PNPLA3: variants seen among roughly 807,000 people sequenced by gnomAD.
PNPLA3 encodes the protein 1-acylglycerol-3-phosphate O-acyltransferase PNPLA3.
Under a neutral mutation model 43.1 loss-of-function variants are expected in PNPLA3, and 42 were observed. The ratio of observed to expected loss-of-function variants is 0.97; its 90% confidence interval spans 0.76 to 1.26. The LOEUF (loss-of-function observed/expected upper bound fraction) is 1.26, where lower values mean the gene tolerates loss of function less well. Among genes scored for constraint, PNPLA3 ranks in the 50% most tolerant of loss-of-function variants. The pLI is 0.00. For synonymous variants in PNPLA3, 272 were observed against 253.6 expected, an observed-to-expected ratio of 1.07 and a Z score of -0.69; for missense variants, 647 against 621.4, an observed-to-expected ratio of 1.04 and a Z score of -0.44.
rs1047514540 is a variant in PNPLA3 at position 43,936,951 on chromosome 22, A to G, written c.758-100A>G. Reference sequence around the variant, plus strand: ...CTCTTCCCCTTGCATTTGGCTAATAACAGGCCAGCTGCCTGCCTCCCTGCA... The same window carrying G: ...CTCTTCCCCTTGCATTTGGCTAATAGCAGGCCAGCTGCCTGCCTCCCTGCA... On this transcript the variant is annotated intron_variant, in intron 5 of 8. Transcript: ENST00000216180. 24 of 935,558 alleles carry G rather than the reference A, an allele frequency of 2.6e-5. No individual in the cohort carries two copies. In the African/African-American group the frequency reaches 3.1e-4, roughly 12 times the overall value. 58.0% of individuals were successfully genotyped at this position (935,558 alleles called of 1,614,324 possible).
chr22:43,937,177 G>C lies in PNPLA3; in HGVS notation c.884G>C (p.Arg295Thr), dbSNP rs369536731. ...SSPESAALAV[R>T]LEGDELLDHL... ...CCGGAGTCGGCTGCCTTGGCTGTGA[G>C]GCTGGAGGGAGATGAGCTGCTAGAC... Residue 295 changes from arginine (R) to threonine (T), a missense_variant, in exon 6 of 9, where the codon AGG (arginine) becomes ACG (threonine). Physicochemically the swap from Arg to Thr is moderately conservative, Grantham distance 71. Transcript: ENST00000216180. The C allele has an allele frequency of 4.3e-6, 7 of 1,614,092 alleles. No homozygotes were observed. The highest frequency in any genetic ancestry group is 5.1e-6 in the Non-Finnish European group (6 of 1,180,042).
At chr22:43,937,415 C>G in intron 6 of PNPLA3, 143 bp downstream of exon 6, 2 of 766,850 alleles carry the variant, frequency 2.6e-6, no homozygotes, top group Non-Finnish European at 4.3e-6. Flanking sequence ...ATGTGTACAG[C>G]CTGGGCTGCT....
chr22:43,930,596 A>G (rs1369840178), intron 3 of PNPLA3, among the ~76,000 whole-genome samples: 1 of 152,070 alleles, frequency 6.6e-6, no homozygotes, highest in Non-Finnish European at 1.5e-5. Context: ...CCTGGTCGAG[A>G]GTTTCAAGCC....
At chr22:43,937,421 C>CT in intron 6 of PNPLA3, 149 bp downstream of exon 6, 1 of 743,586 alleles carries the variant, frequency 1.3e-6, no homozygotes, top group South Asian at 1.7e-5. Flanking sequence ...ACAGCCTGGG[C>CT]TGCTGCCATC....
chr22:43,932,420 C>A (rs564263397), intron 3 of PNPLA3, among the ~76,000 whole-genome samples: 139 of 152,292 alleles, frequency 9.1e-4, no homozygotes, highest in African/African-American at 3.1e-3. Flanking sequence ...CTGTATCCTC[C>A]TTGCAAGCAG....
At position 43,946,664 on chromosome 22, in the gene PNPLA3, C is replaced by G; in HGVS notation, c.*282C>G. On this transcript the variant is annotated 3_prime_UTR_variant, in exon 9 of 9. Coordinates refer to ENST00000216180, the MANE Select transcript of PNPLA3 (RefSeq NM_025225.3). ...GTCCCTTACTGACTGTTTCGTGGCC[C>G]TATTAATGGTCAGACTGTTCCAGCA... The G allele has an allele frequency of 1.6e-6, 1 of 633,798 alleles. No homozygotes were observed. Among genetic ancestry groups the G allele is most frequent in the South Asian group, 1.4e-5 (1 of 72,450 alleles). The allele number at this position is 633,798 out of a possible 1,614,324, so 39.3% of individuals were successfully genotyped here.
At chr22:43,944,925 G>C in intron 8 of PNPLA3, 130 bp downstream of exon 8, 2 of 781,036 alleles carry the variant, frequency 2.6e-6, no homozygotes, top group East Asian at 5.2e-5. Flanking sequence ...TGGGGACCCT[G>C]TCTCATGGGA....
chr22:43,933,127 CTCT>C (rs777455663), intron 4 of PNPLA3, 40 bp downstream of exon 4: 2 of 1,562,382 alleles, frequency 1.3e-6, no homozygotes, highest in Admixed American at 3.3e-5. Context: ...TGGGGTGCAG[CTCT>C]TCTTTGCCTC....
rs780251486 is a variant in PNPLA3, at chr22:43,937,050, G to C, written c.758-1G>C. The C allele has an allele frequency of 1.4e-5, 22 of 1,612,788 alleles. No individual in the cohort carries two copies. In the South Asian group the frequency reaches 2.4e-4, roughly 18 times the overall value. On this transcript the variant is annotated splice_acceptor_variant, in intron 5 of 8. Transcript: ENST00000216180. LOFTEE classifies it high-confidence loss of function. ...GGGCTTGTTTTCCGTGCCCTTCACA[G>C]GCATCTGCAACAGGCCCCAGCCAGG...
chr22:43,946,799 A>T lies in PNPLA3; in HGVS notation c.*417A>T, dbSNP rs1290836332. 5.8e-6 allele frequency: 3 copies of T among 514,326 alleles called. No homozygotes were observed. The highest frequency in any genetic ancestry group is 1.9e-5 in the African/African-American group (1 of 51,900). 31.9% of individuals were successfully genotyped at this position (514,326 alleles called of 1,614,324 possible). On this transcript the variant is annotated 3_prime_UTR_variant, in exon 9 of 9. Coordinates refer to ENST00000216180, the MANE Select transcript of PNPLA3 (RefSeq NM_025225.3). Reference sequence around the variant, plus strand: ...GGAGGGAAGAGAATAGCATGATCCCACTTCCCCATGCTGTGGGAAGGGGTG... The same window carrying T: ...GGAGGGAAGAGAATAGCATGATCCCTCTTCCCCATGCTGTGGGAAGGGGTG...
At chr22:43,928,007 A>G (rs1244374722) in intron 2 of PNPLA3, among the ~76,000 whole-genome samples, 2 of 152,210 alleles carry the variant, frequency 1.3e-5, no homozygotes, top group African/African-American at 4.8e-5. Context: ...TTCTCACTGG[A>G]AACCCTACAA....
At chr22:43,932,463 T>G (rs1244872444) in intron 3 of PNPLA3, among the ~76,000 whole-genome samples, 2 of 152,208 alleles carry the variant, frequency 1.3e-5, no homozygotes, top group Non-Finnish European at 2.9e-5. Context: ...CATGACCATG[T>G]TTCTCCTTTG....
At chr22:43,934,438 C>A (rs1175673632) in intron 4 of PNPLA3, among the ~76,000 whole-genome samples, 168 bp from the exon 5 acceptor site, 1 of 152,128 alleles carries the variant, frequency 6.6e-6, no homozygotes, top group African/African-American at 2.4e-5. Flanking sequence ...GAACTGTCTC[C>A]TGGGAGCACA....
chr22:43,927,843 A>G (rs1008713113), intron 2 of PNPLA3, among the ~76,000 whole-genome samples: 2 of 152,192 alleles, frequency 1.3e-5, no homozygotes, highest in Non-Finnish European at 2.9e-5. Context: ...TCCTGCACCC[A>G]AGTAATCTGC....
intron 1 of PNPLA3, among the ~76,000 whole-genome samples, chr22:43,925,735 G>A (rs73888497): frequency 0.011 from 1,619 of 152,282 alleles, 44 homozygotes; most frequent in African/African-American, 0.037. Flanking sequence ...GGATTAGACC[G>A]CCACATGATC....
At position 43,941,269 on chromosome 22, in the gene PNPLA3, ACT is replaced by A. The variant is rs1162583067; in HGVS notation, c.1112+1148_1112+1149del. 5.4e-5 allele frequency among the ~76,000 whole-genome samples: 7 copies of A among 129,278 alleles called. No homozygotes were observed. In the Middle Eastern group the frequency reaches 0.023, roughly 432 times the overall value. The allele number at this position is 129,278 out of a possible 152,430, so 84.8% of individuals were successfully genotyped here. A position where few individuals can be genotyped will look rare whatever the true frequency, so the allele number is the denominator to read the frequency against. On this transcript the variant is annotated intron_variant, in intron 7 of 8. Transcript: ENST00000216180. ...CCAGCAGTTAGGAGAACACAGTGTG[ACT>A]CTCCTAGAACTTCTTGATTGGGCTT...
chr22:43,931,041 G>T (rs1243149996), intron 3 of PNPLA3, among the ~76,000 whole-genome samples: 5 of 152,104 alleles, frequency 3.3e-5, no homozygotes, highest in Non-Finnish European at 7.4e-5. Flanking sequence ...GCAGGAGAAT[G>T]GTGTGAACCC....
Position 43,944,815 on chromosome 22 carries a change from G to C in PNPLA3, c.1217+20G>C, listed in dbSNP as rs370379028. 1 of 1,604,946 alleles carries C rather than the reference G, an allele frequency of 6.2e-7. No individual in the cohort carries two copies. The highest frequency in any genetic ancestry group is 1.3e-5 in the African/African-American group (1 of 74,738). ...CTCCAGGTAAATACTTTGGCTGTGGGTGTGTGGGCCGGACGGGCACCTCTC... is the reference window on the plus strand; with the variant it reads ...CTCCAGGTAAATACTTTGGCTGTGGCTGTGTGGGCCGGACGGGCACCTCTC... On this transcript the variant is annotated intron_variant, in intron 8 of 8. Coordinates refer to ENST00000216180, the MANE Select transcript of PNPLA3 (RefSeq NM_025225.3).
At chr22:43,936,204 G>C (rs1234507407) in intron 5 of PNPLA3, among the ~76,000 whole-genome samples, 3 of 152,098 alleles carry the variant, frequency 2.0e-5, no homozygotes, top group Non-Finnish European at 4.4e-5. Context: ...CCTGAGAACA[G>C]ATACCTGGCA....
Sources: allele counts gnomAD v4.1 joint callset (sites outside exome capture counted in the v4.1 genomes callset), GRCh38; gene constraint gnomAD v4.1.1; transcripts MANE v1.5; gene names NCBI Gene and HGNC (gene_info 2026-07-23, HGNC 2026-07-21).